The following LARP1B variants were observed in gnomAD, a reference collection of about 807,000 sequenced individuals.
The protein encoded by LARP1B is La ribonucleoprotein 1B, also known as la-related protein 1B.
A neutral mutation model predicts 114.2 loss-of-function variants in LARP1B; 76 were observed. The observed-to-expected ratio is 0.67, with a 90% CI of 0.55 to 0.81. LARP1B has a LOEUF of 0.81. LARP1B is among the 30% of genes least tolerant of loss of function. LARP1B has a pLI of 0.00. For synonymous variants in LARP1B, 345 were observed against 348.0 expected (o/e 0.99, Z 0.10); for missense variants, 1,014 against 1,075.8 (o/e 0.94, Z 0.80).
chr4:128,220,501 T>C (rs1759930934), intron 7 of LARP1B: 1 of 195,868 alleles, frequency 5.1e-6, no homozygotes, highest in Admixed American at 6.5e-5. Context: ...CATATAATTA[T>C]ATCAATTACT....
At chr4:128,084,628 A>AGGGGAG (rs1415544331) in intron 5 of LARP1B, among the ~76,000 whole-genome samples, 2 of 150,906 alleles carry the variant, frequency 1.3e-5, no homozygotes, top group Admixed American at 6.6e-5. Flanking sequence ...GAGAGGGGAG[A>AGGGGAG]GGGGAGGGGG....
At chr4:128,074,720 A>AAATTGAAAGTTT (rs1767120565) in intron 2 of LARP1B, among the ~76,000 whole-genome samples, 1 of 152,220 alleles carries the variant, frequency 6.6e-6, no homozygotes. Flanking sequence ...TAATGTTATT[A>AAATTGAAAGTTT]AATAGTGGTG....
chr4:128,080,873 G>A (rs1286473241), intron 4 of LARP1B, among the ~76,000 whole-genome samples: 2 of 151,572 alleles, frequency 1.3e-5, no homozygotes, highest in African/African-American at 4.9e-5. Context: ...TCATTCATTT[G>A]TAAAAATCCT....
At chr4:128,065,222 A>ACAC (rs1761926623) in intron 1 of LARP1B, among the ~76,000 whole-genome samples, 2 of 120,112 alleles carry the variant, frequency 1.7e-5, no homozygotes, top group South Asian at 5.6e-4. Flanking sequence ...TCTCTTCCCA[A>ACAC]CACTGACTCT....
In LARP1B at chr4:128,199,425, CCT is replaced by C. The variant is rs1491483032; in HGVS notation, c.2004-13_2004-12del. 2.0e-6 allele frequency: 3 copies of C among 1,473,052 alleles called. No homozygotes were observed. The highest frequency in any genetic ancestry group is 1.8e-6 in the Non-Finnish European group (2 of 1,105,842). 91.2% of individuals were successfully genotyped at this position (1,473,052 alleles called of 1,614,324 possible). A position where few individuals can be genotyped will look rare whatever the true frequency, so the allele number is the denominator to read the frequency against. On this transcript the variant is annotated splice_polypyrimidine_tract_variant and intron_variant, in intron 15 of 19. Transcript: ENST00000326639. ...TTTTTCATTTTGAAGGCTTTTTTCC[CCT>C]TTCTCAAACAGCACTTCAAATGCTT...
chr4:128,176,770 G>A lies in LARP1B; in HGVS notation c.1649-102G>A, dbSNP rs1746376016. ...AATGAGACTTACTCTTGGCATCTATGGGATGATATGTAAGAAAATAAATTT... is the reference window on the plus strand; with the variant it reads ...AATGAGACTTACTCTTGGCATCTATAGGATGATATGTAAGAAAATAAATTT... On this transcript the variant is annotated intron_variant, in intron 12 of 19. Coordinates refer to ENST00000326639, the MANE Select transcript of LARP1B (RefSeq NM_018078.4). The A allele has an allele frequency of 4.7e-6, 5 of 1,059,796 alleles. No individual in the cohort carries two copies. In the South Asian group the frequency reaches 5.6e-5, roughly 12 times the overall value. 65.6% of individuals were successfully genotyped at this position (1,059,796 alleles called of 1,614,324 possible).
chr4:128,203,067 C>G (rs1055595463), intron 17 of LARP1B, among the ~76,000 whole-genome samples: 2 of 151,980 alleles, frequency 1.3e-5, no homozygotes, highest in Admixed American at 1.3e-4. Flanking sequence ...GCGTGGTGGC[C>G]TGCGCTTATA....
At chr4:128,090,852 T>A (rs1775659562) in intron 5 of LARP1B, 149 bp from the exon 6 acceptor site, 2 of 562,464 alleles carry the variant, frequency 3.6e-6, no homozygotes, top group South Asian at 5.4e-5. Flanking sequence ...TCTTATTGGA[T>A]CTCTTCAGTT....
chr4:128,110,676 C>A (rs372303692), intron 9 of LARP1B, among the ~76,000 whole-genome samples: 95 of 32,392 alleles, frequency 2.9e-3, no homozygotes, highest in Middle Eastern at 0.025. Context: ...GACTCCGTCT[C>A]AAAAAAAAAA....
At chr4:128,062,730 TA>T (rs1760743178) in intron 1 of LARP1B, among the ~76,000 whole-genome samples, 2 of 143,696 alleles carry the variant, frequency 1.4e-5, no homozygotes, top group Non-Finnish European at 3.0e-5. Flanking sequence ...GCAGTCATAT[TA>T]AAAATGAGAC....
At chr4:128,169,325 C>T (rs1169267924) in intron 12 of LARP1B, among the ~76,000 whole-genome samples, 1 of 151,832 alleles carries the variant, frequency 6.6e-6, no homozygotes. Context: ...TTATTTGACA[C>T]CATTTTTCTT....
In LARP1B at chr4:128,199,492, G is replaced by GTAC. The variant is rs1207421354; in HGVS notation, c.2059_2061dup (p.Thr687dup). On this transcript the variant is annotated inframe_insertion, in exon 16 of 20. Coordinates refer to ENST00000326639, the MANE Select transcript of LARP1B (RefSeq NM_018078.4). ...GCACCACTAGCAGGAAGTTATGGAT[G>GTAC]TACTCCTCATTCATTCCCAAAGTTC... 3 of 1,603,208 alleles carry GTAC rather than the reference G, an allele frequency of 1.9e-6. No homozygotes were observed. Among genetic ancestry groups the GTAC allele is most frequent in the Non-Finnish European group, 2.6e-6 (3 of 1,174,130 alleles).
intron 12 of LARP1B, among the ~76,000 whole-genome samples, chr4:128,166,972 A>C (rs4975225): frequency 0.033 from 2,444 of 74,832 alleles, 18 homozygotes; most frequent in African/African-American, 0.056. Flanking sequence ...CTCTCTCTCT[A>C]TATATATATA....
chr4:128,114,825 AT>A, intron 10 of LARP1B, 83 bp downstream of exon 10: 1 of 1,298,844 alleles, frequency 7.7e-7, no homozygotes, highest in Non-Finnish European at 1.1e-6. Flanking sequence ...TTAGGTACAT[AT>A]GTAAAATTTG....
At chr4:128,085,598 C>T (rs1356650301) in intron 5 of LARP1B, among the ~76,000 whole-genome samples, 1 of 152,080 alleles carries the variant, frequency 6.6e-6, no homozygotes, top group East Asian at 1.9e-4. Flanking sequence ...GAACTCCTAG[C>T]CTCAAGCGAT....
intron 1 of LARP1B, chr4:128,062,248 G>A (rs1257415602): frequency 2.0e-6 from 2 of 985,348 alleles, no homozygotes; most frequent in Non-Finnish European, 2.4e-6. Flanking sequence ...TTGGGCACTG[G>A]CAGGGTGCGG....
chr4:128,115,929 G>A (rs1785635053), intron 10 of LARP1B, among the ~76,000 whole-genome samples: 2 of 152,232 alleles, frequency 1.3e-5, no homozygotes, highest in South Asian at 4.1e-4. Context: ...AGAGTGCTAG[G>A]ATTACAGGCG....
At chr4:128,203,428 C>T (rs1305612800) in intron 17 of LARP1B, among the ~76,000 whole-genome samples, 2 of 146,160 alleles carry the variant, frequency 1.4e-5, no homozygotes, top group African/African-American at 2.5e-5. Context: ...GGCTGGAGTG[C>T]AGTGTCGCGA....
At chr4:128,155,625 G>A (rs1267804490) in intron 11 of LARP1B, 2 of 1,298,562 alleles carry the variant, frequency 1.5e-6, no homozygotes, top group African/African-American at 2.9e-5. Context: ...TACAACCCCA[G>A]CCAGGAGCCA....
Sources: allele counts gnomAD v4.1 joint callset (sites outside exome capture counted in the v4.1 genomes callset), GRCh38; gene constraint gnomAD v4.1.1; transcripts MANE v1.5; gene names NCBI Gene and HGNC (gene_info 2026-07-23, HGNC 2026-07-21).